IFT25: variants seen among roughly 807,000 people sequenced by gnomAD.
IFT25 encodes intraflagellar transport 25.
the IFT25 span, among the ~76,000 whole-genome samples, chr1:53,944,006 A>G: frequency 2.6e-5 from 4 of 152,224 alleles, no homozygotes; most frequent in Admixed American, 2.0e-4. Context: ...CCAAATGTTC[A>G]GTTCTTTTCT....
At chr1:53,941,057 C>A in the IFT25 span, among the ~76,000 whole-genome samples, 3 of 151,996 alleles carry the variant, frequency 2.0e-5, no homozygotes, top group South Asian at 6.2e-4. Context: ...TGCAATGGGG[C>A]GATCTTGGCT....
At chr1:53,945,307 G>T in the IFT25 span, among the ~76,000 whole-genome samples, 1 of 152,254 alleles carries the variant, frequency 6.6e-6, no homozygotes, top group East Asian at 1.9e-4. Context: ...TTTCCCTTTT[G>T]GGGGGTCAAG....
chr1:53,933,562 T>C, the IFT25 span, among the ~76,000 whole-genome samples: 274 of 152,350 alleles, frequency 1.8e-3, no homozygotes, highest in African/African-American at 6.3e-3. Flanking sequence ...GTAAACTGTT[T>C]GTAGGATGCA....
chr1:53,912,148 A>G, the IFT25 span, among the ~76,000 whole-genome samples: 3 of 152,192 alleles, frequency 2.0e-5, no homozygotes, highest in Non-Finnish European at 4.4e-5. Flanking sequence ...TAAGTTGCAC[A>G]AAAGGAGACA....
chr1:53,921,702 A>G, the IFT25 span: 2 of 1,613,940 alleles, frequency 1.2e-6, no homozygotes, highest in Non-Finnish European at 1.7e-6. Context: ...CGCTATGCAC[A>G]GATGCAAAAT....
chr1:53,923,936 T>A, the IFT25 span: 1 of 1,593,024 alleles, frequency 6.3e-7, no homozygotes, highest in Non-Finnish European at 8.6e-7. Context: ...TGCCCCTCTG[T>A]GTGTACCAAA....
the IFT25 span, chr1:53,921,591 A>G: frequency 4.4e-6 from 4 of 910,750 alleles, no homozygotes; most frequent in Non-Finnish European, 3.6e-6. Context: ...AAAGTATATC[A>G]GTGACAACTT....
At chr1:53,936,156 C>T in the IFT25 span, among the ~76,000 whole-genome samples, 202 of 152,016 alleles carry the variant, frequency 1.3e-3, no homozygotes, top group African/African-American at 4.1e-3. Context: ...GGCCTGGTGG[C>T]GTGCATCTGT....
At chr1:53,918,435 A>G in the IFT25 span, among the ~76,000 whole-genome samples, 1 of 152,340 alleles carries the variant, frequency 6.6e-6, no homozygotes, top group South Asian at 2.1e-4. Flanking sequence ...ACAGGAGGAA[A>G]AGAACTCCGA....
chr1:53,939,074 CAAAAA>C, the IFT25 span, among the ~76,000 whole-genome samples: 2 of 22,552 alleles, frequency 8.9e-5, no homozygotes, highest in East Asian at 1.4e-3. Context: ...AACTCCGTCT[CAAAAA>C]AAAAAAAAAA....
chr1:53,924,248 A>G, the IFT25 span, among the ~76,000 whole-genome samples: 3 of 152,162 alleles, frequency 2.0e-5, no homozygotes, highest in Non-Finnish European at 2.9e-5. Flanking sequence ...TTCTTTTTAA[A>G]ACATTTATTT....
the IFT25 span, among the ~76,000 whole-genome samples, chr1:53,913,070 C>G: frequency 6.6e-6 from 1 of 152,206 alleles, no homozygotes; most frequent in Admixed American, 6.5e-5. Context: ...TGCACTCTTT[C>G]CTGAGAATTT....
At chr1:53,928,451 A>C in the IFT25 span, 1 of 1,592,830 alleles carries the variant, frequency 6.3e-7, no homozygotes, top group Non-Finnish European at 8.6e-7. Flanking sequence ...CTAACATTGT[A>C]AACAAAGTAA....
At chr1:53,940,977 G>C in the IFT25 span, among the ~76,000 whole-genome samples, 1 of 151,900 alleles carries the variant, frequency 6.6e-6, no homozygotes, top group African/African-American at 2.4e-5. Flanking sequence ...TGTAGAGATG[G>C]GGTCTTGCTA....
the IFT25 span, among the ~76,000 whole-genome samples, chr1:53,922,691 G>C: frequency 6.6e-6 from 1 of 152,118 alleles, no homozygotes; most frequent in Non-Finnish European, 1.5e-5. Context: ...GACAAACTGT[G>C]TAATGACAGA....
the IFT25 span, among the ~76,000 whole-genome samples, chr1:53,934,478 C>A: frequency 6.6e-6 from 1 of 152,078 alleles, no homozygotes; most frequent in Non-Finnish European, 1.5e-5. Context: ...GATACAATGT[C>A]TGTATTTATC....
the IFT25 span, among the ~76,000 whole-genome samples, chr1:53,922,332 T>TGCAGTGAGCAGAGATC: frequency 6.6e-6 from 1 of 150,720 alleles, no homozygotes; most frequent in Non-Finnish European, 1.5e-5. Flanking sequence ...AGGCAGAGAT[T>TGCAGTGAGCAGAGATC]GCAGTGAGCA....
At chr1:53,920,441 A>G in the IFT25 span, among the ~76,000 whole-genome samples, 1 of 122,702 alleles carries the variant, frequency 8.1e-6, no homozygotes, top group African/African-American at 3.2e-5. Flanking sequence ...TAGCTTCTGT[A>G]TCCTCTTGAC....
chr1:53,923,361 G>C, the IFT25 span, among the ~76,000 whole-genome samples: 10 of 152,158 alleles, frequency 6.6e-5, no homozygotes, highest in Admixed American at 3.9e-4. Flanking sequence ...CAGGAATAGC[G>C]GAACTCCTGA....
Sources: gnomAD v4.1 joint callset for allele counts (sites outside exome capture counted in the v4.1 genomes callset) on GRCh38, gnomAD v4.1.1 for gene constraint, MANE v1.5 for transcripts, NCBI Gene and HGNC (gene_info 2026-07-23, HGNC 2026-07-21) for gene names.